RGS3: variants seen among roughly 807,000 people sequenced by gnomAD.
The protein encoded by RGS3 is regulator of G protein signaling 3, also known as regulator of G-protein signalling 3.
RGS3 carries 80 observed loss-of-function variants against 132.6 expected under a neutral mutation model. The ratio of observed to expected loss-of-function variants is 0.60; its 90% CI spans 0.50 to 0.73. The LOEUF (loss-of-function observed/expected upper bound fraction) is 0.73. Among genes scored for constraint, RGS3 ranks in the 30% least tolerant of loss-of-function variants. The pLI, the probability that RGS3 is intolerant of heterozygous loss-of-function variation, is 0.00. For missense variants in RGS3, 1,382 were observed against 1,530.8 expected (o/e 0.90, Z 1.62); for synonymous variants, 598 against 620.6 (o/e 0.96, Z 0.54).
At chr9:113,588,471 G>A (rs563536128) in intron 20 of RGS3, among the ~76,000 whole-genome samples, 134 of 152,224 alleles carry the variant, frequency 8.8e-4, no homozygotes, top group African/African-American at 3.0e-3. Context: ...ACAGACGAGC[G>A]CTCAGTCACT....
intron 1 of RGS3, among the ~76,000 whole-genome samples, chr9:113,446,253 T>C (rs535471703): frequency 6.6e-6 from 1 of 152,200 alleles, no homozygotes; most frequent in Admixed American, 6.5e-5. Context: ...CATTTGTCCT[T>C]GTATATATGC....
At chr9:113,584,331 C>G in exon 20 of RGS3, 1 of 1,599,026 alleles carries the variant, frequency 6.3e-7, no homozygotes, top group Non-Finnish European at 8.5e-7. Context: ...CCGCCTCCAC[C>G]TGGGGCATGC....
chr9:113,496,209 G>A (rs187149006), intron 8 of RGS3, among the ~76,000 whole-genome samples: 1 of 152,238 alleles, frequency 6.6e-6, no homozygotes, highest in East Asian at 1.9e-4. Context: ...CCGTTCCAGG[G>A]GTCCTCTTCA....
chr9:113,564,945 T>G (rs1044421451), intron 19 of RGS3: 52 of 995,568 alleles, frequency 5.2e-5, no homozygotes, highest in Non-Finnish European at 5.9e-5. Context: ...CCTCGGTGAT[T>G]GGCTTGGTCT....
At chr9:113,483,593 G>A (rs1020627151) in intron 5 of RGS3, among the ~76,000 whole-genome samples, 4 of 152,170 alleles carry the variant, frequency 2.6e-5, no homozygotes, top group African/African-American at 9.7e-5. Flanking sequence ...AGAGCCAAAG[G>A]CCAGGAGCTT....
intron 20 of RGS3, among the ~76,000 whole-genome samples, chr9:113,587,120 C>A (rs1262222508): frequency 6.6e-6 from 1 of 152,088 alleles, no homozygotes; most frequent in Non-Finnish European, 1.5e-5. Context: ...GATATTTTGT[C>A]CCCAGCCACA....
chr9:113,584,225 G>A (rs780511892), exon 20 of RGS3: 6 of 1,611,808 alleles, frequency 3.7e-6, no homozygotes, highest in African/African-American at 1.3e-5. Flanking sequence ...AACTCGCTGC[G>A]GCGCCGGACG....
At chr9:113,573,011 T>A (rs1834358841) in intron 19 of RGS3, among the ~76,000 whole-genome samples, 1 of 152,208 alleles carries the variant, frequency 6.6e-6, no homozygotes, top group African/African-American at 2.4e-5. Flanking sequence ...ACAATTATGA[T>A]TACAGAAATT....
intron 17 of RGS3, among the ~76,000 whole-genome samples, chr9:113,524,741 C>A (rs980341490): frequency 2.0e-5 from 3 of 152,238 alleles, no homozygotes; most frequent in African/African-American, 7.2e-5. Flanking sequence ...GATGCCCTCA[C>A]ACAGAACCCC....
At chr9:113,454,298 CAGTTA>C (rs1829318655) in intron 1 of RGS3, among the ~76,000 whole-genome samples, 1 of 151,998 alleles carries the variant, frequency 6.6e-6, no homozygotes, top group Non-Finnish European at 1.5e-5. Context: ...TTCTGGGATG[CAGTTA>C]AGTTACTTAG....
intron 19 of RGS3, among the ~76,000 whole-genome samples, chr9:113,560,268 G>A (rs547596573): frequency 6.6e-6 from 1 of 152,230 alleles, no homozygotes; most frequent in South Asian, 2.1e-4. Flanking sequence ...GAAGGGGAAC[G>A]GGCTTACCCT....
intron 19 of RGS3, among the ~76,000 whole-genome samples, chr9:113,542,764 C>T (rs557912594): frequency 3.9e-5 from 6 of 152,230 alleles, no homozygotes; most frequent in Non-Finnish European, 7.3e-5. Context: ...GGAGAGTTCA[C>T]TGCTGCCCAG....
At chr9:113,570,949 C>G (rs1292305798) in intron 19 of RGS3, among the ~76,000 whole-genome samples, 1 of 152,204 alleles carries the variant, frequency 6.6e-6, no homozygotes, top group Non-Finnish European at 1.5e-5. Context: ...GTCCTGACTT[C>G]TCTCATCGAT....
intron 16 of RGS3, chr9:113,522,281 A>G (rs1831993026): frequency 6.6e-6 from 1 of 152,232 alleles, no homozygotes; most frequent in African/African-American, 2.4e-5. Context: ...GAATTTGATA[A>G]TATTAGCTCA....
chr9:113,575,495 C>T (rs749807757), intron 19 of RGS3, among the ~76,000 whole-genome samples: 9 of 152,116 alleles, frequency 5.9e-5, no homozygotes, highest in Non-Finnish European at 1.0e-4. Context: ...GGGCAGCTGC[C>T]TCCAGGGAAC....
chr9:113,550,474 A>T (rs545440474), intron 19 of RGS3, among the ~76,000 whole-genome samples: 1 of 152,352 alleles, frequency 6.6e-6, no homozygotes, highest in South Asian at 2.1e-4. Context: ...AAAATGGATT[A>T]TTGATCCTAT....
intron 19 of RGS3, among the ~76,000 whole-genome samples, chr9:113,570,558 C>G (rs1834239574): frequency 6.6e-6 from 1 of 152,176 alleles, no homozygotes; most frequent in Non-Finnish European, 1.5e-5. Flanking sequence ...AGCGTACCCC[C>G]ATCCAGGTCA....
chr9:113,586,461 C>T (rs933366251), intron 20 of RGS3, among the ~76,000 whole-genome samples: 2 of 152,250 alleles, frequency 1.3e-5, no homozygotes, highest in Non-Finnish European at 1.5e-5. Context: ...CAGGCCTGGA[C>T]CAGCTCTCTC....
chr9:113,460,407 T>C (rs1829447067), intron 1 of RGS3: 1 of 204,924 alleles, frequency 4.9e-6, no homozygotes, highest in South Asian at 5.5e-5. Context: ...TAGTCCCAGC[T>C]ACTCGGGGGG....
Sources: gnomAD v4.1 joint callset for allele counts (sites outside exome capture counted in the v4.1 genomes callset) on GRCh38, gnomAD v4.1.1 for gene constraint, MANE v1.5 for transcripts, NCBI Gene and HGNC (gene_info 2026-07-23, HGNC 2026-07-21) for gene names.